The following DOCK1 variants were observed in gnomAD, a reference collection of about 807,000 sequenced individuals.
The protein encoded by DOCK1 is dedicator of cytokinesis protein 1.
DOCK1 carries 138 observed loss-of-function variants against 262.7 expected under a neutral mutation model. The observed-to-expected ratio is 0.53, with a 90% CI of 0.46 to 0.61. The LOEUF (loss-of-function observed/expected upper bound fraction) is 0.61, where lower values mean the gene tolerates loss of function less well. Ranked by LOEUF, DOCK1 falls within the 20% of genes least tolerant of loss-of-function variation. DOCK1 has a pLI of 0.00. For missense variants in DOCK1, 1,908 were observed against 2,370.7 expected (o/e 0.80, Z 4.05); for synonymous variants, 866 against 867.4 (o/e 1.00, Z 0.03).
At chr10:126,968,423 C>G (rs1239189164) in intron 1 of DOCK1, among the ~76,000 whole-genome samples, 1 of 152,056 alleles carries the variant, frequency 6.6e-6, no homozygotes, top group Non-Finnish European at 1.5e-5. Flanking sequence ...TTCTTACCTA[C>G]AAAATCATGG....
intron 16 of DOCK1, among the ~76,000 whole-genome samples, chr10:127,030,098 G>T (rs1221753852): frequency 1.3e-5 from 2 of 152,146 alleles, no homozygotes; most frequent in East Asian, 3.9e-4. Context: ...GAAGGCAAAG[G>T]TGATAAGCCA....
chr10:127,343,723 C>G lies in DOCK1; in HGVS notation c.3201C>G (p.Ala1067=). ...ESLQLENFSS[A]KRAKILNKYG... ...TGCAACTGGAGAATTTTTCAAGTGC[C>G]AAGAGAGCCAAAATCCTTAACAAGT... The change falls in exon 31 of 52, where the codon GCC becomes GCG. Residue 1067 remains alanine, a synonymous_variant. Transcript: ENST00000623213. 2 of 1,608,946 alleles carry G rather than the reference C, an allele frequency of 1.2e-6. No individual in the cohort carries two copies. Among genetic ancestry groups the G allele is most frequent in the Non-Finnish European group, 1.7e-6 (2 of 1,177,748 alleles).
chr10:126,934,282 T>C (rs964824585), intron 1 of DOCK1, among the ~76,000 whole-genome samples: 2 of 152,236 alleles, frequency 1.3e-5, no homozygotes, highest in Non-Finnish European at 2.9e-5. Flanking sequence ...GCCTTGTCAT[T>C]TGTGCTTCTG....
intron 23 of DOCK1, among the ~76,000 whole-genome samples, chr10:127,073,556 T>G (rs2046350632): frequency 6.6e-6 from 1 of 152,374 alleles, no homozygotes; most frequent in Middle Eastern, 3.4e-3. Flanking sequence ...TAGTATTTAT[T>G]TCTCTCCATT....
At chr10:127,439,826 G>A (rs150523742) in intron 49 of DOCK1, among the ~76,000 whole-genome samples, 72 of 152,200 alleles carry the variant, frequency 4.7e-4, no homozygotes, top group Non-Finnish European at 9.3e-4. Context: ...CCTTGAAGAC[G>A]GGTCCCAGTG....
intron 1 of DOCK1, among the ~76,000 whole-genome samples, chr10:126,923,698 C>G (rs191668198): frequency 1.4e-4 from 22 of 152,328 alleles, no homozygotes; most frequent in Admixed American, 1.2e-3. Flanking sequence ...GCGCCATTCT[C>G]GGCATCTCTC....
intron 27 of DOCK1, among the ~76,000 whole-genome samples, chr10:127,240,910 A>G (rs1282559669): frequency 6.6e-6 from 1 of 152,236 alleles, no homozygotes; most frequent in African/African-American, 2.4e-5. Flanking sequence ...AAATCTGAGA[A>G]ATATGATAGT....
chr10:126,949,686 T>C (rs1220013429), intron 1 of DOCK1, among the ~76,000 whole-genome samples: 5 of 152,160 alleles, frequency 3.3e-5, no homozygotes, highest in Non-Finnish European at 7.3e-5. Flanking sequence ...GCAGGAAGGA[T>C]CTGGAGGGGA....
intron 1 of DOCK1, among the ~76,000 whole-genome samples, chr10:126,945,381 GT>G (rs1204340030): frequency 2.0e-5 from 3 of 151,912 alleles, no homozygotes; most frequent in African/African-American, 7.3e-5. Flanking sequence ...TGTAGGGCTG[GT>G]TTTGTCACAG....
At chr10:126,931,120 G>T (rs991378459) in intron 1 of DOCK1, among the ~76,000 whole-genome samples, 46 of 152,214 alleles carry the variant, frequency 3.0e-4, no homozygotes, top group Admixed American at 3.0e-3. Context: ...ACCCAGGAGG[G>T]ATGGAGTATC....
intron 1 of DOCK1, among the ~76,000 whole-genome samples, chr10:126,922,566 A>G (rs1330602842): frequency 2.0e-5 from 3 of 152,180 alleles, no homozygotes; most frequent in East Asian, 1.9e-4. Context: ...GGGAGGCGCC[A>G]TGATCCAAAT....
At position 127,415,082 on chromosome 10, in the gene DOCK1, C is replaced by T; in HGVS notation, c.4429-70C>T. On this transcript the variant is annotated intron_variant, in intron 43 of 51. Coordinates refer to ENST00000623213, the MANE Select transcript of DOCK1 (RefSeq NM_001290223.2). ...CCTTTGGAGTTATTCTATAAATCCC[C>T]CTTAGGGCAGAGCTGTCCACCTGCT... is the stretch of plus-strand genomic sequence containing the variant. The T allele has an allele frequency of 1.4e-6, 2 of 1,437,684 alleles. 1 individual carries two copies. The highest frequency in any genetic ancestry group is 2.5e-5 in the South Asian group (2 of 81,558). The allele number at this position is 1,437,684 out of a possible 1,614,324, so 89.1% of individuals were successfully genotyped here.
intron 29 of DOCK1, among the ~76,000 whole-genome samples, chr10:127,310,600 C>T (rs1459935263): frequency 1.3e-5 from 2 of 152,132 alleles, no homozygotes; most frequent in East Asian, 1.9e-4. Context: ...AAACTGTTCT[C>T]GTAAAAGCGT....
chr10:127,317,715 AC>A (rs2062346293), intron 29 of DOCK1, among the ~76,000 whole-genome samples: 2 of 132,168 alleles, frequency 1.5e-5, no homozygotes, highest in Admixed American at 8.1e-5. Context: ...GAGATAATGA[AC>A]TTGGCCAGCT....
chr10:127,271,563 A>T (rs1317988973), intron 29 of DOCK1, among the ~76,000 whole-genome samples: 2 of 152,172 alleles, frequency 1.3e-5, no homozygotes, highest in Non-Finnish European at 2.9e-5. Flanking sequence ...TTCATGCAAG[A>T]CCCTTCTGTG....
chr10:126,996,883 A>G lies in DOCK1; in HGVS notation c.609A>G (p.Lys203=), dbSNP rs1248905195. ...TGGAGGAAAGGTTACAAGAGGAAAA[A>G]GTAAGTTTGACTCTGTCATATGCCA... is the stretch of plus-strand genomic sequence containing the variant. The part of the protein sequence containing the change: ...KQVEERLQEE[K]SQKQNIDINR... Residue 203 remains lysine (K), a splice_region_variant and synonymous_variant, in exon 7 of 52, where the codon AAA becomes AAG. Coordinates refer to ENST00000623213, the MANE Select transcript of DOCK1 (RefSeq NM_001290223.2). 6.3e-7 allele frequency: 1 copy of G among 1,594,750 alleles called. No homozygotes were observed. The highest frequency in any genetic ancestry group is 1.8e-5 in the Admixed American group (1 of 55,544).
rs1267277625 is a variant in DOCK1 at position 126,987,404 on chromosome 10, T to C, written c.228-117T>C. On this transcript the variant is annotated intron_variant, in intron 4 of 51. Coordinates refer to ENST00000623213, the MANE Select transcript of DOCK1 (RefSeq NM_001290223.2). The stretch of plus-strand genomic sequence containing the variant: ...TGTGCATGCAGTCTTATTTGTAGAT[T>C]TTCTTCCCATTTGCTTAATACTGAA... The C allele has an allele frequency of 8.4e-6, 6 of 710,494 alleles. No homozygotes were observed. In the South Asian group the frequency reaches 1.2e-4, roughly 14 times the overall value. 44.0% of individuals were successfully genotyped at this position (710,494 alleles called of 1,614,324 possible).
intron 31 of DOCK1, among the ~76,000 whole-genome samples, chr10:127,351,983 G>C (rs533658632): frequency 6.6e-6 from 1 of 151,600 alleles, no homozygotes; most frequent in Non-Finnish European, 1.5e-5. Context: ...ATGCCCGCAG[G>C]CCCGGCTCTC....
intron 29 of DOCK1, among the ~76,000 whole-genome samples, chr10:127,310,630 G>A (rs887654615): frequency 2.0e-5 from 3 of 152,156 alleles, no homozygotes; most frequent in African/African-American, 7.2e-5. Flanking sequence ...TGCTTTGCTT[G>A]CAGCTGTGGA....
Sources: gnomAD v4.1 joint callset for allele counts (sites outside exome capture counted in the v4.1 genomes callset) on GRCh38, gnomAD v4.1.1 for gene constraint, MANE v1.5 for transcripts, NCBI Gene and HGNC (gene_info 2026-07-23, HGNC 2026-07-21) for gene names.